The following AHCTF1 variants were observed in gnomAD, a reference collection of about 807,000 sequenced individuals.
AHCTF1 encodes the protein protein ELYS.
Under a neutral mutation model 248.4 loss-of-function variants are expected in AHCTF1, and 24 were observed. The observed-to-expected ratio is 0.10, with a 90% CI of 0.07 to 0.14. AHCTF1 has a LOEUF of 0.14. Ranked by LOEUF, AHCTF1 falls within the 10% of genes least tolerant of loss-of-function variation. The pLI is 1.00. For missense variants in AHCTF1, 2,206 were observed against 2,636.2 expected, an observed-to-expected ratio of 0.84 and a Z score of 3.57; for synonymous variants, 786 against 929.8, an observed-to-expected ratio of 0.85 and a Z score of 2.81.
intron 24 of AHCTF1, 112 bp from the exon 25 acceptor site, chr1:246,867,923 T>G: frequency 2.9e-6 from 1 of 350,746 alleles, no homozygotes; most frequent in Non-Finnish European, 4.4e-6. Flanking sequence ...ACACACACAT[T>G]ACGTGGTAAT....
intron 29 of AHCTF1, among the ~76,000 whole-genome samples, chr1:246,859,409 TA>T (rs1661355984): frequency 6.6e-6 from 1 of 152,188 alleles, no homozygotes; most frequent in Non-Finnish European, 1.5e-5. Flanking sequence ...AACTGGATTC[TA>T]AGTGTTTGTC....
chr1:246,899,294 A>G (rs1047477253), intron 11 of AHCTF1, among the ~76,000 whole-genome samples, 157 bp downstream of exon 11: 3 of 152,158 alleles, frequency 2.0e-5, no homozygotes, highest in Non-Finnish European at 4.4e-5. Flanking sequence ...GTCATTAGTA[A>G]CTGATACTAC....
intron 13 of AHCTF1, among the ~76,000 whole-genome samples, chr1:246,895,298 G>C (rs4971276): frequency 6.6e-6 from 1 of 152,074 alleles, no homozygotes. Context: ...CTTATTCTTA[G>C]AAGCAGCAAT....
chr1:246,847,592 C>G (rs1351016352), intron 33 of AHCTF1, among the ~76,000 whole-genome samples: 1 of 152,152 alleles, frequency 6.6e-6, no homozygotes, highest in Non-Finnish European at 1.5e-5. Context: ...CTCAAACTCT[C>G]AGGCTCAAGT....
chr1:246,904,141 C>T, intron 6 of AHCTF1, 108 bp from the exon 7 acceptor site: 1 of 815,556 alleles, frequency 1.2e-6, no homozygotes, highest in South Asian at 1.7e-5. Context: ...TGTGACAAAA[C>T]TAAAATCACT....
intron 32 of AHCTF1, 143 bp from the exon 33 acceptor site, chr1:246,851,585 T>G (rs939814848): frequency 1.5e-6 from 1 of 662,290 alleles, no homozygotes. Context: ...ATGGGTTTAC[T>G]TTACAAAATT....
chr1:246,872,112 T>C (rs1203878354), intron 24 of AHCTF1, among the ~76,000 whole-genome samples: 1 of 140,168 alleles, frequency 7.1e-6, no homozygotes, highest in African/African-American at 2.7e-5. Flanking sequence ...TCTAACTAAA[T>C]ATGGTCATAG....
intron 21 of AHCTF1, among the ~76,000 whole-genome samples, chr1:246,883,193 CT>C (rs1205969226): frequency 1.3e-5 from 2 of 152,166 alleles, no homozygotes; most frequent in Non-Finnish European, 2.9e-5. Flanking sequence ...AATATTAAAA[CT>C]TTTTCAGCCA....
intron 26 of AHCTF1, among the ~76,000 whole-genome samples, chr1:246,866,732 A>G (rs1013503276): frequency 3.3e-5 from 5 of 152,346 alleles, no homozygotes; most frequent in Admixed American, 1.3e-4. Context: ...GTGGTACATA[A>G]TTATGAACAC....
At chr1:246,869,345 T>G (rs903923624) in intron 24 of AHCTF1, among the ~76,000 whole-genome samples, 11 of 152,140 alleles carry the variant, frequency 7.2e-5, no homozygotes, top group African/African-American at 2.4e-4. Context: ...AGACCTCAAG[T>G]GTTCATGTGA....
At chr1:246,884,631 T>G (rs770034623) in intron 21 of AHCTF1, among the ~76,000 whole-genome samples, 23 of 150,164 alleles carry the variant, frequency 1.5e-4, no homozygotes, top group Admixed American at 4.7e-4. Context: ...CTTCCAATCA[T>G]GCCATTTAGC....
chr1:246,867,846 TCTAA>T (rs1420193100), intron 24 of AHCTF1, 35 bp from the exon 25 acceptor site: 2 of 1,523,566 alleles, frequency 1.3e-6, no homozygotes, highest in African/African-American at 3.0e-5. Context: ...TAAGTGCATC[TCTAA>T]CAAACGGGAA....
chr1:246,886,364 T>G (rs1445028536), intron 20 of AHCTF1, among the ~76,000 whole-genome samples: 1 of 151,938 alleles, frequency 6.6e-6, no homozygotes, highest in Non-Finnish European at 1.5e-5. Context: ...AATAACAGTA[T>G]AATGATAAAA....
rs764623548 is a variant in AHCTF1, at chr1:246,905,587, G to A, written c.835C>T (p.Pro279Ser). Reference sequence around the variant, plus strand: ...GCCCACAAGTAACAGCAATTCCGAGGATCATTCTCAGGTTCTTGAAAAGTG... The same window carrying A: ...GCCCACAAGTAACAGCAATTCCGAGAATCATTCTCAGGTTCTTGAAAAGTG... ...AVTFQEPEND[P>S]RNCCYLWAVQ... The change falls in exon 6 of 36, where the codon CCT (proline) becomes TCT (serine). Residue 279 changes from proline to serine, a missense_variant. Pro to Ser is a moderately conservative substitution (Grantham distance 74). Coordinates refer to ENST00000648844, the MANE Select transcript of AHCTF1 (RefSeq NM_001323342.2). The A allele has an allele frequency of 6.2e-7, 1 of 1,612,494 alleles. No individual in the cohort carries two copies. The highest frequency in any genetic ancestry group is 8.5e-7 in the Non-Finnish European group (1 of 1,179,980).
In AHCTF1 at chr1:246,887,286, T is replaced by C. The variant is rs907987951; in HGVS notation, c.2397A>G (p.Pro799=). 1.6e-5 allele frequency: 26 copies of C among 1,613,344 alleles called. No homozygotes were observed. Among genetic ancestry groups the C allele is most frequent in the Non-Finnish European group, 2.0e-5 (24 of 1,179,706 alleles). Residue 799 remains proline, a synonymous_variant, in exon 20 of 36, where the codon CCA becomes CCG. Coordinates refer to ENST00000648844, the MANE Select transcript of AHCTF1 (RefSeq NM_001323342.2). ...NKTDTPIESF[P]TVFAISWGQV... ...GGCCCCAAGAAATGGCAAATACAGT[T>C]GGGAAAGATTCAATGGGAGTGTCTG... is the stretch of plus-strand genomic sequence containing the variant.
In AHCTF1 at chr1:246,901,077, C is replaced by T. The variant is rs1469010039; in HGVS notation, c.1118-608G>A. 3.9e-5 allele frequency among the ~76,000 whole-genome samples: 6 copies of T among 152,262 alleles called. No individual in the cohort carries two copies. In the East Asian group the frequency reaches 1.2e-3, roughly 29 times the overall value. On this transcript the variant is annotated intron_variant, in intron 8 of 35. Coordinates refer to ENST00000648844, the MANE Select transcript of AHCTF1 (RefSeq NM_001323342.2). ...GAGCATGGCCAGGTGCAGTGGCTCA[C>T]ACTTGTAATCCCAGCACTTTGGAAG...
intron 29 of AHCTF1, among the ~76,000 whole-genome samples, chr1:246,858,701 T>C (rs1661290348): frequency 6.6e-6 from 1 of 151,548 alleles, no homozygotes; most frequent in Non-Finnish European, 1.5e-5. Flanking sequence ...GGCACGTGCC[T>C]GTAATCCCAG....
intron 24 of AHCTF1, among the ~76,000 whole-genome samples, chr1:246,869,146 T>A (rs1662350682): frequency 6.6e-6 from 1 of 152,108 alleles, no homozygotes; most frequent in African/African-American, 2.4e-5. Context: ...CCCGGCCGTG[T>A]GTTTTGTTTT....
intron 14 of AHCTF1, among the ~76,000 whole-genome samples, chr1:246,894,342 G>A (rs1262073953): frequency 6.6e-6 from 1 of 152,204 alleles, no homozygotes; most frequent in Non-Finnish European, 1.5e-5. Flanking sequence ...GGAGGCAGAG[G>A]CGGGCGGATC....
Sources: gnomAD v4.1 joint callset for allele counts (sites outside exome capture counted in the v4.1 genomes callset) on GRCh38, gnomAD v4.1.1 for gene constraint, MANE v1.5 for transcripts, NCBI Gene and HGNC (gene_info 2026-07-23, HGNC 2026-07-21) for gene names.